The following C22orf39 variants were observed in gnomAD, a reference collection of about 807,000 sequenced individuals.
C22orf39 encodes chromosome 22 open reading frame 39, also known as synaptic plasticity regulator PANTS.
A neutral mutation model predicts 18.3 loss-of-function variants in C22orf39; 20 were observed. The ratio of observed to expected loss-of-function variants is 1.09; its 90% CI spans 0.77 to 1.59. The LOEUF is 1.59. Among genes scored for constraint, C22orf39 ranks in the 40% most tolerant of loss-of-function variants. The pLI is 0.00. For synonymous variants in C22orf39, 63 were observed against 59.6 expected, an observed-to-expected ratio of 1.06 and a Z score of -0.26; for missense variants, 195 against 156.1, an observed-to-expected ratio of 1.25 and a Z score of -1.33.
chr22:19,444,746 G>A (rs1380376165), intron 2 of C22orf39, among the ~76,000 whole-genome samples: 2 of 152,292 alleles, frequency 1.3e-5, no homozygotes, highest in Non-Finnish European at 1.5e-5. Context: ...GGTGCTGGGT[G>A]GAGAGGAGAG....
Position 19,443,436 on chromosome 22 carries a change from T to A in C22orf39, c.*829A>T, listed in dbSNP as rs976164754. 1.0e-6 allele frequency: 1 copy of A among 985,728 alleles called. No individual in the cohort carries two copies. The highest frequency in any genetic ancestry group is 1.2e-6 in the Non-Finnish European group (1 of 829,940). 61.1% of individuals were successfully genotyped at this position (985,728 alleles called of 1,614,324 possible). On this transcript the variant is annotated 3_prime_UTR_variant, in exon 3 of 3. Coordinates refer to ENST00000399562, the MANE Select transcript of C22orf39 (RefSeq NM_173793.5). ...ATAAGCATACAAATTTCTAATACTG[T>A]CCAGGTACAACACTGTTACACACAA... is the stretch of plus-strand genomic sequence containing the variant.
chr22:19,446,462 C>T (rs1363047163), intron 2 of C22orf39, among the ~76,000 whole-genome samples: 1 of 152,170 alleles, frequency 6.6e-6, no homozygotes, highest in Non-Finnish European at 1.5e-5. Flanking sequence ...TCGCACCTTT[C>T]GGCTGGCTTC....
intron 2 of C22orf39, 61 bp from the exon 3 acceptor site, chr22:19,444,451 T>TC (rs1381725701): frequency 9.2e-6 from 14 of 1,528,778 alleles, no homozygotes; most frequent in Non-Finnish European, 1.1e-5. Context: ...CCCCTGTACC[T>TC]CCCCCCTCTC....
Position 19,443,274 on chromosome 22 carries a change from C to T in C22orf39, c.*991G>A. 2.0e-6 allele frequency: 2 copies of T among 985,452 alleles called. No individual in the cohort carries two copies. Among genetic ancestry groups the T allele is most frequent in the Non-Finnish European group, 1.2e-6 (1 of 829,950 alleles). 61.0% of individuals were successfully genotyped at this position (985,452 alleles called of 1,614,324 possible). On this transcript the variant is annotated 3_prime_UTR_variant, in exon 3 of 3. Transcript: ENST00000399562. ...GGAAGAGAGCAGGGAGGGTGCTGGG[C>T]ACAGACCCAGCCTAGCCCTCAGCAT...
At position 19,443,381 on chromosome 22, in the gene C22orf39, TTCA is replaced by T; in HGVS notation, c.*881_*883del. On this transcript the variant is annotated 3_prime_UTR_variant, in exon 3 of 3. Coordinates refer to ENST00000399562, the MANE Select transcript of C22orf39 (RefSeq NM_173793.5). Reference sequence around the variant, plus strand: ...CTTCAAGAAATAGTGTTTTTGGTGGTTCATACATTTTAAAACACTTAACAAGAG... The same window carrying T: ...CTTCAAGAAATAGTGTTTTTGGTGGTTACATTTTAAAACACTTAACAAGAG... 1.0e-6 allele frequency: 1 copy of T among 985,678 alleles called. No individual in the cohort carries two copies. The highest frequency in any genetic ancestry group is 4.7e-5 in the South Asian group (1 of 21,286). 61.1% of individuals were successfully genotyped at this position (985,678 alleles called of 1,614,324 possible). A position where few individuals can be genotyped will look rare whatever the true frequency, so the allele number is the denominator to read the frequency against.
intron 2 of C22orf39, 66 bp from the exon 3 acceptor site, chr22:19,444,456 C>T (rs113884318): frequency 3.6e-5 from 54 of 1,516,892 alleles, no homozygotes; most frequent in Non-Finnish European, 4.7e-5. Context: ...GTACCTCCCC[C>T]CTCTCATCAC....
Position 19,447,361 on chromosome 22 carries a change from G to A in C22orf39, c.192+17C>T, listed in dbSNP as rs767409464. The A allele has an allele frequency of 7.6e-5, 112 of 1,470,616 alleles. No individual in the cohort carries two copies. The highest frequency in any genetic ancestry group is 9.3e-5 in the Non-Finnish European group (104 of 1,118,574). 91.1% of individuals were successfully genotyped at this position (1,470,616 alleles called of 1,614,324 possible). On this transcript the variant is annotated intron_variant, in intron 2 of 2. Transcript: ENST00000399562. ...GCAAGGCGCTCCGAAGCGCCGCCCC[G>A]CTCCCTCCCGGCGCACCTGGGCCTC...
Position 19,443,945 on chromosome 22 carries a change from G to A in C22orf39, c.*320C>T, listed in dbSNP as rs764262996. ...GGCTACCCTTCAGTTTACCTGAGAA[G>A]CCTAGACCTCAGGACCGCCATCTCC... On this transcript the variant is annotated 3_prime_UTR_variant, in exon 3 of 3. Transcript: ENST00000399562. 9.2e-6 allele frequency: 10 copies of A among 1,084,484 alleles called. No individual in the cohort carries two copies. Among genetic ancestry groups the A allele is most frequent in the Non-Finnish European group, 8.9e-6 (8 of 894,058 alleles). 67.2% of individuals were successfully genotyped at this position (1,084,484 alleles called of 1,614,324 possible).
intron 2 of C22orf39, among the ~76,000 whole-genome samples, chr22:19,446,941 T>TTTG (rs2089643473): frequency 6.6e-6 from 1 of 152,200 alleles, no homozygotes; most frequent in African/African-American, 2.4e-5. Context: ...CTAAACTCCG[T>TTTG]ATCAAAAGGC....
rs867015234 is a variant in C22orf39 at position 19,447,495 on chromosome 22, G to A, written c.75C>T (p.Ser25=). ...AYRAEWKLCR[S]ARHFLHHYYV... is the part of the protein sequence containing the mutation. Reference sequence around the variant, plus strand: ...AGTAGTGGTGTAGGAAGTGCCTGGCGCTGCGGCAGAGCTTCCACTCGGCGC... The same window carrying A: ...AGTAGTGGTGTAGGAAGTGCCTGGCACTGCGGCAGAGCTTCCACTCGGCGC... The change falls in exon 2 of 3, where the codon AGC becomes AGT. Residue 25 remains serine, a synonymous_variant. Transcript: ENST00000399562. 4.0e-6 allele frequency: 6 copies of A among 1,498,036 alleles called. No individual in the cohort carries two copies. In the African/African-American group the frequency reaches 4.3e-5, roughly 11 times the overall value. 92.8% of individuals were successfully genotyped at this position (1,498,036 alleles called of 1,614,324 possible). A position where few individuals can be genotyped will look rare whatever the true frequency, so the allele number is the denominator to read the frequency against.
intron 2 of C22orf39, 42 bp downstream of exon 2, chr22:19,447,336 G>C: frequency 7.0e-7 from 1 of 1,427,840 alleles, no homozygotes; most frequent in Non-Finnish European, 9.1e-7. Flanking sequence ...GCTGGGCCCC[G>C]CAAGGCGCTC....
Position 19,441,660 on chromosome 22 carries a change from CTGAGA to C in C22orf39, c.*2600_*2604del, listed in dbSNP as rs2089613170. ...TCTTCTGCCTCAGCCTCCCAAGTAG[CTGAGA>C]TTACAGGTGTGAGCCACCACACTTA... On this transcript the variant is annotated 3_prime_UTR_variant, in exon 3 of 3. Transcript: ENST00000399562. 22 of 1,491,802 alleles carry C rather than the reference CTGAGA, an allele frequency of 1.5e-5. No homozygotes were observed. Among genetic ancestry groups the C allele is most frequent in the Non-Finnish European group, 1.9e-5 (21 of 1,094,504 alleles). The allele number at this position is 1,491,802 out of a possible 1,614,324, so 92.4% of individuals were successfully genotyped here.
intron 2 of C22orf39, among the ~76,000 whole-genome samples, chr22:19,446,954 G>A (rs186711211): frequency 2.0e-5 from 3 of 152,216 alleles, no homozygotes; most frequent in Non-Finnish European, 4.4e-5. Flanking sequence ...CAAAAGGCCC[G>A]CCAGGTCCCT....
chr22:19,447,638 T>C (rs1445362281), intron 1 of C22orf39, 27 bp downstream of exon 1: 3 of 1,607,166 alleles, frequency 1.9e-6, no homozygotes, highest in Non-Finnish European at 2.5e-6. Context: ...ACCCCGGTGG[T>C]TCCCGGCTCC....
At chr22:19,445,171 C>T (rs956061603) in intron 2 of C22orf39, among the ~76,000 whole-genome samples, 2 of 152,188 alleles carry the variant, frequency 1.3e-5, no homozygotes, top group African/African-American at 4.8e-5. Flanking sequence ...ATTCCCAATG[C>T]GGCAGTTAAC....
chr22:19,447,469 T>C lies in C22orf39; in HGVS notation c.101A>G (p.Tyr34Cys). Residue 34 changes from tyrosine (Y) to cysteine (C), a missense_variant, in exon 2 of 3, where the codon TAC becomes TGC. Tyr to Cys is a radical substitution (Grantham distance 194). Coordinates refer to ENST00000399562, the MANE Select transcript of C22orf39 (RefSeq NM_173793.5). ...GCAGGCCGGCCGCTCGCCGTGGACG[T>C]AGTAGTGGTGTAGGAAGTGCCTGGC... is the stretch of plus-strand genomic sequence containing the variant. Reference protein sequence around the residue: ...RSARHFLHHYYVHGERPACEQ... With the variant: ...RSARHFLHHYCVHGERPACEQ... 6.6e-7 allele frequency: 1 copy of C among 1,520,404 alleles called. No individual in the cohort carries two copies. Among genetic ancestry groups the C allele is most frequent in the Non-Finnish European group, 8.7e-7 (1 of 1,143,340 alleles). The allele number at this position is 1,520,404 out of a possible 1,614,324, so 94.2% of individuals were successfully genotyped here. A position where few individuals can be genotyped will look rare whatever the true frequency, so the allele number is the denominator to read the frequency against.
rs775307268 is a variant in C22orf39, at chr22:19,447,655, G to A, written c.24+10C>T. On this transcript the variant is annotated intron_variant, in intron 1 of 2. Coordinates refer to ENST00000399562, the MANE Select transcript of C22orf39 (RefSeq NM_173793.5). ...CCCGGTGGTTCCCGGCTCCGACCCA[G>A]CACACTCACCTGCCAGCCGCTGCCG... 7 of 1,610,282 alleles carry A rather than the reference G, an allele frequency of 4.3e-6. No homozygotes were observed. Among genetic ancestry groups the A allele is most frequent in the East Asian group, 2.2e-5 (1 of 44,724 alleles).
intron 2 of C22orf39, 109 bp from the exon 3 acceptor site, chr22:19,444,499 T>G (rs2089630249): frequency 5.1e-6 from 6 of 1,175,026 alleles, no homozygotes; most frequent in Non-Finnish European, 6.0e-6. Context: ...GCAGGGCCTA[T>G]GGTACACACC....
In C22orf39 at chr22:19,441,833, C is replaced by T; in HGVS notation, c.*2432G>A. 1.6e-6 allele frequency: 2 copies of T among 1,228,478 alleles called. No homozygotes were observed. The highest frequency in any genetic ancestry group is 2.2e-6 in the Non-Finnish European group (2 of 907,888). The allele number at this position is 1,228,478 out of a possible 1,614,324, so 76.1% of individuals were successfully genotyped here. On this transcript the variant is annotated 3_prime_UTR_variant, in exon 3 of 3. Coordinates refer to ENST00000399562, the MANE Select transcript of C22orf39 (RefSeq NM_173793.5). ...TTTGAGACAGGATATTGCTCTGTCACCCAGGTTGAAGTGCAGTGGGGCACA... is the reference window on the plus strand; with the variant it reads ...TTTGAGACAGGATATTGCTCTGTCATCCAGGTTGAAGTGCAGTGGGGCACA...
Sources: allele counts gnomAD v4.1 joint callset (sites outside exome capture counted in the v4.1 genomes callset), GRCh38; gene constraint gnomAD v4.1.1; transcripts MANE v1.5; gene names NCBI Gene and HGNC (gene_info 2026-07-23, HGNC 2026-07-21).